The following RPP30 variants were observed in gnomAD, a reference collection of about 807,000 sequenced individuals.
RPP30 encodes the protein ribonuclease P protein subunit p30.
Under a neutral mutation model 38.6 loss-of-function variants are expected in RPP30, and 36 were observed. The ratio of observed to expected loss-of-function variants is 0.93; its 90% CI spans 0.71 to 1.23. RPP30 has a LOEUF of 1.23. Among genes scored for constraint, RPP30 ranks in the 50% most tolerant of loss-of-function variants. The pLI, the probability that RPP30 is intolerant of heterozygous loss-of-function variation, is 0.00. For synonymous variants in RPP30, 126 were observed against 112.7 expected, an observed-to-expected ratio of 1.12 and a Z score of -0.75; for missense variants, 321 against 321.7, an observed-to-expected ratio of 1.00 and a Z score of 0.02.
chr10:90,888,239 A>G (rs555959057), intron 6 of RPP30, among the ~76,000 whole-genome samples: 19 of 152,346 alleles, frequency 1.2e-4, no homozygotes, highest in African/African-American at 4.6e-4. Context: ...CTTTGCCTGA[A>G]TAAGCCCACA....
At chr10:90,873,406 C>A (rs1846809229) in intron 1 of RPP30, among the ~76,000 whole-genome samples, 1 of 152,196 alleles carries the variant, frequency 6.6e-6, no homozygotes, top group South Asian at 2.1e-4. Context: ...AAGGACTGCT[C>A]TGCTATTTGA....
At chr10:90,881,894 A>AGC (rs1846932713) in intron 5 of RPP30, among the ~76,000 whole-genome samples, 13 of 152,316 alleles carry the variant, frequency 8.5e-5, no homozygotes, top group African/African-American at 3.1e-4. Context: ...ACACATGTTT[A>AGC]TGTCAATAGT....
At chr10:90,900,055 G>T (rs1340141639) in intron 10 of RPP30, among the ~76,000 whole-genome samples, 1 of 152,168 alleles carries the variant, frequency 6.6e-6, no homozygotes, top group Non-Finnish European at 1.5e-5. Flanking sequence ...AACTCAACTA[G>T]TATTTACTGA....
intron 4 of RPP30, among the ~76,000 whole-genome samples, chr10:90,877,847 C>T (rs1846872111): frequency 6.6e-6 from 1 of 152,082 alleles, no homozygotes; most frequent in South Asian, 2.1e-4. Flanking sequence ...TTTGGGTATG[C>T]CTACTATCAG....
chr10:90,874,815 A>C, intron 1 of RPP30, 54 bp from the exon 2 acceptor site: 1 of 1,245,120 alleles, frequency 8.0e-7, no homozygotes, highest in Non-Finnish European at 1.2e-6. Context: ...GACCTGTGTT[A>C]CAGGAAGGAG....
chr10:90,891,889 A>C (rs1564714116), intron 6 of RPP30, among the ~76,000 whole-genome samples: 1 of 152,232 alleles, frequency 6.6e-6, no homozygotes, highest in Non-Finnish European at 1.5e-5. Flanking sequence ...TTTGTGAGTC[A>C]TGTGGACAAA....
At chr10:90,888,983 A>C (rs1340800478) in intron 6 of RPP30, among the ~76,000 whole-genome samples, 1 of 152,192 alleles carries the variant, frequency 6.6e-6, no homozygotes, top group Non-Finnish European at 1.5e-5. Context: ...AGTAGGCTGC[A>C]CTGTGAATTG....
chr10:90,874,358 C>T (rs555817294), intron 1 of RPP30, among the ~76,000 whole-genome samples: 2 of 152,108 alleles, frequency 1.3e-5, no homozygotes, highest in Admixed American at 1.3e-4. Flanking sequence ...CTCCATTTCT[C>T]CTTAGGAAAG....
intron 5 of RPP30, among the ~76,000 whole-genome samples, chr10:90,883,289 CAAAAA>C (rs35852982): frequency 8.4e-6 from 1 of 119,330 alleles, no homozygotes; most frequent in Non-Finnish European, 1.7e-5. Context: ...AGTCTCTGGC[CAAAAA>C]AAAAAAAAAA....
Position 90,900,561 on chromosome 10 carries a change from G to C in RPP30, c.698-9G>C. 6.2e-7 allele frequency: 1 copy of C among 1,608,100 alleles called. No homozygotes were observed. The highest frequency in any genetic ancestry group is 8.5e-7 in the Non-Finnish European group (1 of 1,177,606). ...TTCAAGCACAGTGGTTTCCCTGTTT[G>C]TTTTACAGAAACTAGAAAAACTGCT... On this transcript the variant is annotated splice_polypyrimidine_tract_variant and intron_variant, in intron 10 of 10. Transcript: ENST00000371703.
chr10:90,883,153 C>G (rs1846953729), intron 5 of RPP30, among the ~76,000 whole-genome samples: 1 of 152,076 alleles, frequency 6.6e-6, no homozygotes, highest in South Asian at 2.1e-4. Flanking sequence ...CAAACTGATA[C>G]CTTTGAAAGG....
intron 10 of RPP30, among the ~76,000 whole-genome samples, chr10:90,899,531 G>T (rs1259995406): frequency 6.6e-6 from 1 of 151,884 alleles, no homozygotes; most frequent in African/African-American, 2.4e-5. Context: ...ACAGAGTTTG[G>T]GTCTGTTTTC....
At chr10:90,876,281 TGG>T (rs934509722) in intron 4 of RPP30, among the ~76,000 whole-genome samples, 183 bp downstream of exon 4, 1 of 152,218 alleles carries the variant, frequency 6.6e-6, no homozygotes, top group Non-Finnish European at 1.5e-5. Flanking sequence ...CACTTACTCA[TGG>T]CACATGTGTA....
Position 90,901,720 on chromosome 10 carries a change from T to A in RPP30, c.*1041T>A. On this transcript the variant is annotated 3_prime_UTR_variant, in exon 11 of 11. Coordinates refer to ENST00000371703, the MANE Select transcript of RPP30 (RefSeq NM_006413.5). ...TACATGCATTTATGCAATATTAATG[T>A]AAGGGCTCTAAAACAATGGAGTAGA... 4 of 983,730 alleles carry A rather than the reference T, an allele frequency of 4.1e-6. No individual in the cohort carries two copies. Among genetic ancestry groups the A allele is most frequent in the South Asian group, 4.7e-5 (1 of 21,248 alleles). The allele number at this position is 983,730 out of a possible 1,614,324, so 60.9% of individuals were successfully genotyped here.
rs538823469 is a variant in RPP30 at position 90,877,983 on chromosome 10, G to C, written c.271-1080G>C. On this transcript the variant is annotated intron_variant, in intron 4 of 10. Transcript: ENST00000371703. ...CTTTATAACAGTTACTATTGCTAAA[G>C]AAATTGTGAAAAGCCAACTTTTGGT... 2.0e-5 allele frequency among the ~76,000 whole-genome samples: 3 copies of C among 152,202 alleles called. No individual in the cohort carries two copies. In the East Asian group the frequency reaches 5.8e-4, roughly 29 times the overall value.
chr10:90,896,796 A>G (rs1694973564), intron 10 of RPP30, among the ~76,000 whole-genome samples: 1 of 152,240 alleles, frequency 6.6e-6, no homozygotes, highest in Non-Finnish European at 1.5e-5. Flanking sequence ...CAGCAAATAC[A>G]TTTTTAAAAA....
intron 10 of RPP30, 118 bp downstream of exon 10, chr10:90,896,510 A>T: frequency 1.4e-6 from 1 of 735,444 alleles, no homozygotes; most frequent in South Asian, 1.7e-5. Flanking sequence ...TCTTTTCTCA[A>T]CCTGTTCTAA....
Position 90,876,057 on chromosome 10 carries a change from T to C in RPP30, c.229T>C (p.Leu77=). 6.3e-7 allele frequency: 1 copy of C among 1,579,452 alleles called. No individual in the cohort carries two copies. The highest frequency in any genetic ancestry group is 8.7e-7 in the Non-Finnish European group (1 of 1,148,726). ...AAGACCAATTAAAATTTTAACTAGA[T>C]TAACAATTATTGTCTCGGATCCATC... ...KSRPIKILTR[L]TIIVSDPSHC... is the part of the protein sequence containing the mutation. Residue 77 remains leucine (L), a synonymous_variant, in exon 4 of 11, where the codon TTA becomes CTA. Transcript: ENST00000371703.
chr10:90,902,022 C>T lies in RPP30; in HGVS notation c.*1343C>T, dbSNP rs1847209378. 1.9e-6 allele frequency: 1 copy of T among 535,298 alleles called. No individual in the cohort carries two copies. The highest frequency in any genetic ancestry group is 2.4e-6 in the Non-Finnish European group (1 of 418,324). The allele number at this position is 535,298 out of a possible 1,614,324, so 33.2% of individuals were successfully genotyped here. A position where few individuals can be genotyped will look rare whatever the true frequency, so the allele number is the denominator to read the frequency against. ...CCGTGTTAGCCAGGATGGTCTCAAT[C>T]TCCTGACCTCATATTCCACCCGCCT... On this transcript the variant is annotated 3_prime_UTR_variant, in exon 11 of 11. Coordinates refer to ENST00000371703, the MANE Select transcript of RPP30 (RefSeq NM_006413.5).
Sources: gnomAD v4.1 joint callset for allele counts (sites outside exome capture counted in the v4.1 genomes callset) on GRCh38, gnomAD v4.1.1 for gene constraint, MANE v1.5 for transcripts, NCBI Gene and HGNC (gene_info 2026-07-23, HGNC 2026-07-21) for gene names.